The following PRRC1 variants were observed in gnomAD, a reference collection of about 807,000 sequenced individuals.
PRRC1 encodes the protein protein PRRC1.
Under a neutral mutation model 40.7 loss-of-function variants are expected in PRRC1, and 39 were observed. The ratio of observed to expected loss-of-function variants is 0.96; its 90% confidence interval spans 0.74 to 1.25. The LOEUF (loss-of-function observed/expected upper bound fraction) is 1.25. PRRC1 is among the 50% of genes most tolerant of loss of function. PRRC1 has a pLI of 0.00. For missense variants in PRRC1, 573 were observed against 548.3 expected (o/e 1.05, Z -0.45); for synonymous variants, 175 against 193.3 (o/e 0.91, Z 0.79).
intron 7 of PRRC1, 118 bp downstream of exon 7, chr5:127,539,261 C>G: frequency 1.5e-6 from 1 of 678,692 alleles, no homozygotes. Context: ...TATTTTGATG[C>G]TGGCTATATC....
At chr5:127,520,697 A>G in intron 1 of PRRC1, among the ~76,000 whole-genome samples, 1 of 152,228 alleles carries the variant, frequency 6.6e-6, no homozygotes, top group East Asian at 1.9e-4. Flanking sequence ...GTTTCTTTTT[A>G]GTGATGGAAT....
At chr5:127,527,757 C>CAAAAAAAAA (rs11395244) in intron 4 of PRRC1, among the ~76,000 whole-genome samples, 1 of 80,254 alleles carries the variant, frequency 1.2e-5, no homozygotes, top group African/African-American at 4.3e-5. Flanking sequence ...GACACTGTCT[C>CAAAAAAAAA]AAAAAAAAAA....
intron 1 of PRRC1, among the ~76,000 whole-genome samples, chr5:127,519,117 T>C (rs1377909014): frequency 6.6e-6 from 1 of 152,220 alleles, no homozygotes; most frequent in Non-Finnish European, 1.5e-5. Context: ...GGGATTCTCT[T>C]ACAATAGGAC....
intron 1 of PRRC1, among the ~76,000 whole-genome samples, chr5:127,521,288 T>C (rs557422983): frequency 6.6e-6 from 1 of 152,202 alleles, no homozygotes; most frequent in Non-Finnish European, 1.5e-5. Context: ...TTAGTAATCC[T>C]TGGTCATCTG....
chr5:127,545,242 A>T (rs540637869), intron 7 of PRRC1, among the ~76,000 whole-genome samples: 3,875 of 151,822 alleles, frequency 0.026, 161 homozygotes, highest in African/African-American at 0.089. Context: ...TTCCTCAGGG[A>T]TCTAGAACTA....
intron 8 of PRRC1, chr5:127,548,245 G>A: frequency 2.1e-6 from 1 of 482,308 alleles, no homozygotes; most frequent in South Asian, 3.3e-5. Context: ...CCTTTCGTTT[G>A]CTTTCCCTTT....
intron 1 of PRRC1, among the ~76,000 whole-genome samples, chr5:127,520,157 C>G (rs1439913021): frequency 6.6e-6 from 1 of 152,154 alleles, no homozygotes. Flanking sequence ...AGTAGTATTC[C>G]TAACCTCTTC....
In PRRC1 at chr5:127,554,073, A is replaced by G; in HGVS notation, c.*2157A>G. The G allele has an allele frequency of 4.8e-6, 3 of 627,774 alleles. No individual in the cohort carries two copies. Among genetic ancestry groups the G allele is most frequent in the Non-Finnish European group, 7.7e-6 (3 of 390,194 alleles). The allele number at this position is 627,774 out of a possible 1,614,324, so 38.9% of individuals were successfully genotyped here. On this transcript the variant is annotated 3_prime_UTR_variant, in exon 9 of 9. Coordinates refer to ENST00000296666, the MANE Select transcript of PRRC1 (RefSeq NM_130809.5). Reference sequence around the variant, plus strand: ...CTTTTGTTTATTTTGTTGTCCTTAGATTTCCCTGTTGTAAAAGGGGCAAGA... The same window carrying G: ...CTTTTGTTTATTTTGTTGTCCTTAGGTTTCCCTGTTGTAAAAGGGGCAAGA...
intron 5 of PRRC1, 54 bp downstream of exon 5, chr5:127,530,450 A>G: frequency 9.3e-7 from 1 of 1,079,812 alleles, no homozygotes; most frequent in East Asian, 2.5e-5. Flanking sequence ...GGGTATGTCC[A>G]CATCAGCCAC....
At position 127,523,796 on chromosome 5, in the gene PRRC1, T is replaced by C. The variant is rs1047272191; in HGVS notation, c.103+214T>C. ...CAGTGTTTTGCTTTAGGTGGACTTTTGTTCTTTATGTTCATAATTTTACCA... is the reference window on the plus strand; with the variant it reads ...CAGTGTTTTGCTTTAGGTGGACTTTCGTTCTTTATGTTCATAATTTTACCA... On this transcript the variant is annotated intron_variant, in intron 2 of 8. Transcript: ENST00000296666. 9.1e-5 allele frequency: 36 copies of C among 396,298 alleles called. No individual in the cohort carries two copies. The East Asian group carries it at 1.3e-3, about 14-fold the overall frequency. The allele number at this position is 396,298 out of a possible 1,614,324, so 24.5% of individuals were successfully genotyped here.
Position 127,552,320 on chromosome 5 carries a change from C to CT in PRRC1, c.*406dup. ...TTTATAAAAGCATGATTTGCTTTGG[C>CT]TTCATCTCTTTTCTGTCAGTCTTTG... On this transcript the variant is annotated 3_prime_UTR_variant, in exon 9 of 9. Transcript: ENST00000296666. 1 of 1,024,886 alleles carries CT rather than the reference C, an allele frequency of 9.8e-7. No individual in the cohort carries two copies. The highest frequency in any genetic ancestry group is 1.2e-6 in the Non-Finnish European group (1 of 852,488). The allele number at this position is 1,024,886 out of a possible 1,614,324, so 63.5% of individuals were successfully genotyped here.
At position 127,523,529 on chromosome 5, in the gene PRRC1, C is replaced by G. The variant is rs749079007; in HGVS notation, c.50C>G (p.Pro17Arg). Residue 17 changes from proline (P) to arginine (R), a missense_variant, in exon 2 of 9, where the codon CCA becomes CGA. Coordinates refer to ENST00000296666, the MANE Select transcript of PRRC1 (RefSeq NM_130809.5). ...ACAACACCACCTGGGACTCCTCCAC[C>G]AAATCCTGCAGGGCTGGCTGCTACT... is the stretch of plus-strand genomic sequence containing the variant. Reference protein sequence around the residue: ...IETTPPGTPPPNPAGLAATAM... With the variant: ...IETTPPGTPPRNPAGLAATAM... 1 of 1,613,156 alleles carries G rather than the reference C, an allele frequency of 6.2e-7. No individual in the cohort carries two copies.
At chr5:127,519,934 C>T (rs951691047) in intron 1 of PRRC1, among the ~76,000 whole-genome samples, 11 of 152,208 alleles carry the variant, frequency 7.2e-5, no homozygotes, top group African/African-American at 2.7e-4. Flanking sequence ...GTGCATGGCA[C>T]CACCATCTAT....
In PRRC1 at chr5:127,554,489, T is replaced by G. The variant is rs899839176; in HGVS notation, c.*2573T>G. On this transcript the variant is annotated 3_prime_UTR_variant, in exon 9 of 9. Transcript: ENST00000296666. The stretch of plus-strand genomic sequence containing the variant: ...AATTAGTGTGAAAGGAAACAAAGAA[T>G]GCAGGAAAAATAATTTAATATCAAC... 1.1e-4 allele frequency: 16 copies of G among 142,782 alleles called. No individual in the cohort carries two copies. Among genetic ancestry groups the G allele is most frequent in the African/African-American group, 4.1e-4 (16 of 39,004 alleles). 8.8% of individuals were successfully genotyped at this position (142,782 alleles called of 1,614,324 possible).
intron 4 of PRRC1, among the ~76,000 whole-genome samples, chr5:127,528,469 C>T (rs1310245421): frequency 1.3e-5 from 2 of 152,080 alleles, no homozygotes; most frequent in East Asian, 3.9e-4. Flanking sequence ...CATCTGCCTC[C>T]ATGCCTGGCT....
rs745652702 is a variant in PRRC1 at position 127,526,788 on chromosome 5, G to T, written c.654+10G>T. 6.5e-7 allele frequency: 1 copy of T among 1,531,558 alleles called. No homozygotes were observed. The highest frequency in any genetic ancestry group is 8.8e-7 in the Non-Finnish European group (1 of 1,139,874). The allele number at this position is 1,531,558 out of a possible 1,614,324, so 94.9% of individuals were successfully genotyped here. ...CTGGGGTTTTATTAAGGTAAGACGT[G>T]TTTAAAAATTATGTTTAATTTTCTA... is the stretch of plus-strand genomic sequence containing the variant. On this transcript the variant is annotated intron_variant, in intron 4 of 8. Coordinates refer to ENST00000296666, the MANE Select transcript of PRRC1 (RefSeq NM_130809.5).
At chr5:127,550,316 G>T (rs1768344206) in intron 8 of PRRC1, 2 of 151,708 alleles carry the variant, frequency 1.3e-5, no homozygotes, top group Non-Finnish European at 2.9e-5. Context: ...TCTCCTCCCT[G>T]TTTCTTTTTA....
chr5:127,544,933 T>C (rs1561687633), intron 7 of PRRC1, among the ~76,000 whole-genome samples: 1 of 152,224 alleles, frequency 6.6e-6, no homozygotes, highest in Admixed American at 6.5e-5. Context: ...ATGAACCTGG[T>C]ACCTCAGATG....
chr5:127,551,940 A>T lies in PRRC1; in HGVS notation c.*24A>T. On this transcript the variant is annotated 3_prime_UTR_variant, in exon 9 of 9. Transcript: ENST00000296666. ...GAGAGGAGACCTACCTGGGAGACTGAGACTTTCCCCCACTTTTAGCTTGAT... is the reference window on the plus strand; with the variant it reads ...GAGAGGAGACCTACCTGGGAGACTGTGACTTTCCCCCACTTTTAGCTTGAT... 6.2e-7 allele frequency: 1 copy of T among 1,613,020 alleles called. No homozygotes were observed. Among genetic ancestry groups the T allele is most frequent in the South Asian group, 1.1e-5 (1 of 91,004 alleles).
Sources: allele counts gnomAD v4.1 joint callset (sites outside exome capture counted in the v4.1 genomes callset), GRCh38; gene constraint gnomAD v4.1.1; transcripts MANE v1.5; gene names NCBI Gene and HGNC (gene_info 2026-07-23, HGNC 2026-07-21).